Variants in COL7A1 observed in about 807,000 individuals in gnomAD.
The protein encoded by COL7A1 is collagen type VII alpha 1 chain, also known as collagen alpha-1(VII) chain.
A neutral mutation model predicts 456.2 loss-of-function variants in COL7A1; 296 were observed. That is an observed-to-expected ratio of 0.65 (90% confidence interval 0.59 to 0.71). The LOEUF (loss-of-function observed/expected upper bound fraction) is 0.71. Ranked by LOEUF, COL7A1 falls within the 30% of genes least tolerant of loss-of-function variation. The pLI, the probability that COL7A1 is intolerant of heterozygous loss-of-function variation, is 0.00. For synonymous variants in COL7A1, 1,464 were observed against 1,525.9 expected (o/e 0.96, Z 0.95); for missense variants, 3,441 against 4,017.2 (o/e 0.86, Z 3.88).
At position 48,585,162 on chromosome 3, in the gene COL7A1, GC is replaced by G; in HGVS notation, c.3895-47del. ...GGACAGGAAGGGACCCTCCCCCAAGGCCCCTGGTTTGCTGGAGGGGCCTCAC... is the reference window on the plus strand; with the variant it reads ...GGACAGGAAGGGACCCTCCCCCAAGGCCCTGGTTTGCTGGAGGGGCCTCAC... On this transcript the variant is annotated intron_variant, in intron 32 of 118. Coordinates refer to ENST00000681320, the MANE Select transcript of COL7A1 (RefSeq NM_000094.4). The surrounding 1 kb of genome is among the most constrained non-coding windows in gnomAD (Gnocchi z 4.5). 1.9e-6 allele frequency: 3 copies of G among 1,594,154 alleles called. No individual in the cohort carries two copies. Among genetic ancestry groups the G allele is most frequent in the Non-Finnish European group, 2.6e-6 (3 of 1,169,176 alleles).
rs2044905366 is a variant in COL7A1, at chr3:48,583,179, G to A, written c.4438-8C>T. On this transcript the variant is annotated splice_region_variant and splice_polypyrimidine_tract_variant and intron_variant, in intron 42 of 118. Transcript: ENST00000681320. This position sits in a 1 kb window ranked among gnomAD's most constrained non-coding sequence, Gnocchi z 5.1. ...TGGAAAGCCCCGGTCACCCTGAAGA[G>A]AGAGGGTGAGAGAAAGACAGAGAGA... 6.2e-7 allele frequency: 1 copy of A among 1,613,784 alleles called. No homozygotes were observed.
Position 48,587,575 on chromosome 3 carries a change from C to A in COL7A1, c.2858-21G>T. 6.2e-7 allele frequency: 1 copy of A among 1,613,350 alleles called. No individual in the cohort carries two copies. The highest frequency in any genetic ancestry group is 8.5e-7 in the Non-Finnish European group (1 of 1,180,006). ...TGACTCTGAAGGAGGAATGAAAGAT[C>A]GAGGATCAGAGGCTGAGTCCTGAGA... On this transcript the variant is annotated intron_variant, in intron 22 of 118. Transcript: ENST00000681320. This position sits in a 1 kb window ranked among gnomAD's most constrained non-coding sequence, Gnocchi z 6.1.
In COL7A1 at chr3:48,565,439, A is replaced by C. The variant is rs1360820174; in HGVS notation, c.8498T>G (p.Val2833Gly). 6.2e-7 allele frequency: 1 copy of C among 1,612,888 alleles called. No individual in the cohort carries two copies. The highest frequency in any genetic ancestry group is 1.7e-5 in the Admixed American group (1 of 59,812). ...CTCCTCTGCATGAGAGACGCGGAGCACAGGCACAGCATGGAGCTGGGAGCC... is the reference window on the plus strand; with the variant it reads ...CTCCTCTGCATGAGAGACGCGGAGCCCAGGCACAGCATGGAGCTGGGAGCC... ...TAGSQLHAVPVLRVSHAEEEE... is the reference protein window; with the variant it reads ...TAGSQLHAVPGLRVSHAEEEE... The change falls in exon 116 of 119, where the codon GTG becomes GGG. Residue 2833 changes from valine to glycine, a missense_variant. Physicochemically the swap from Val to Gly is moderately radical, Grantham distance 109. This residue lies in a region of COL7A1 where 2,084 missense variants were observed against 2,501.3 expected (regional missense o/e 0.83). Transcript: ENST00000681320. This position sits in a 1 kb window ranked among gnomAD's most constrained non-coding sequence, Gnocchi z 4.5.
At chr3:48,576,181 G>A (rs906379972) in intron 71 of COL7A1, 68 bp downstream of exon 71, 5 of 1,605,540 alleles carry the variant, frequency 3.1e-6, no homozygotes, top group African/African-American at 2.7e-5. Context: ...GCAAGGGGAA[G>A]GGGATGGCAA....
chr3:48,576,022 C>G, intron 71 of COL7A1, 120 bp from the exon 72 acceptor site: 1 of 1,528,532 alleles, frequency 6.5e-7, no homozygotes, highest in Middle Eastern at 1.7e-4. Context: ...CCAGAGCACC[C>G]TTTAGCACTT....
chr3:48,573,467 A>T lies in COL7A1; in HGVS notation c.6618+46T>A, dbSNP rs141063524. On this transcript the variant is annotated intron_variant, in intron 83 of 118. Transcript: ENST00000681320. The surrounding 1 kb of genome is among the most constrained non-coding windows in gnomAD (Gnocchi z 5.5). ...GGCGCACACTACCCCAGGCATGGAC[A>T]CAGCTTGAAGGAGCCTCCTCCTCCT... The T allele has an allele frequency of 0.018, 29,714 of 1,613,878 alleles. 330 individuals carry two copies. Among genetic ancestry groups the T allele is most frequent in the Non-Finnish European group, 0.022 (26,033 of 1,179,866 alleles).
Position 48,582,335 on chromosome 3 carries a change from G to A in COL7A1, c.4623C>T (p.Asp1541=). The change falls in exon 47 of 119, where the codon GAC becomes GAT. Residue 1541 remains aspartate, a synonymous_variant. Transcript: ENST00000681320. ...GEKGEPGRPG[D]PAVVGPAVAG... ...TCCCGTCACTCACCACCACTGCAGG[G>A]TCCCCAGGGCGACCAGGCTCCCCCT... 3 of 1,613,972 alleles carry A rather than the reference G, an allele frequency of 1.9e-6. No homozygotes were observed. The highest frequency in any genetic ancestry group is 1.1e-5 in the South Asian group (1 of 91,090).
chr3:48,589,202 G>C, intron 18 of COL7A1, 125 bp downstream of exon 18: 2 of 1,497,684 alleles, frequency 1.3e-6, no homozygotes, highest in Non-Finnish European at 1.8e-6. Context: ...AATCAGTGTG[G>C]GGTGGGTCAG....
chr3:48,571,904 AGG>A lies in COL7A1; in HGVS notation c.7068+95_7068+96del. The A allele has an allele frequency of 7.0e-7, 1 of 1,436,662 alleles. No homozygotes were observed. Among genetic ancestry groups the A allele is most frequent in the Non-Finnish European group, 9.6e-7 (1 of 1,039,626 alleles). 89.0% of individuals were successfully genotyped at this position (1,436,662 alleles called of 1,614,324 possible). On this transcript the variant is annotated intron_variant, in intron 92 of 118. Transcript: ENST00000681320. This position sits in a 1 kb window ranked among gnomAD's most constrained non-coding sequence, Gnocchi z 4.6. ...GATGTTGGGACATGCAGCCCGACTC[AGG>A]GGCTCAGACATGTGCCCCGGCCCAA...
Position 48,579,681 on chromosome 3 carries a change from T to C in COL7A1, c.5155-13A>G. ...CCCCAGGCTCTCCCTGTGGCAGAGA[T>C]AAGCTTGCTGAGGAACAGCCTTGAA... On this transcript the variant is annotated splice_polypyrimidine_tract_variant and intron_variant, in intron 58 of 118. Transcript: ENST00000681320. The surrounding 1 kb of genome is among the most constrained non-coding windows in gnomAD (Gnocchi z 4.4). 1 of 1,613,636 alleles carries C rather than the reference T, an allele frequency of 6.2e-7. No homozygotes were observed. Among genetic ancestry groups the C allele is most frequent in the East Asian group, 2.2e-5 (1 of 44,856 alleles).
Position 48,565,395 on chromosome 3 carries a change from T to G in COL7A1, c.8527+15A>C. The stretch of plus-strand genomic sequence containing the variant: ...GCCCCACCCATAGCTGCCCCACGGG[T>G]TCAGCTGTCCTCACCTTCCTCCTCT... On this transcript the variant is annotated intron_variant, in intron 116 of 118. Transcript: ENST00000681320. This position sits in a 1 kb window ranked among gnomAD's most constrained non-coding sequence, Gnocchi z 4.5. 1 of 1,599,170 alleles carries G rather than the reference T, an allele frequency of 6.3e-7. No homozygotes were observed. Among genetic ancestry groups the G allele is most frequent in the Non-Finnish European group, 8.5e-7 (1 of 1,172,760 alleles).
In COL7A1 at chr3:48,564,560, G is replaced by C; in HGVS notation, c.8819-138C>G. 3 of 1,119,916 alleles carry C rather than the reference G, an allele frequency of 2.7e-6. No homozygotes were observed. The highest frequency in any genetic ancestry group is 2.6e-5 in the East Asian group (1 of 39,036). The allele number at this position is 1,119,916 out of a possible 1,614,324, so 69.4% of individuals were successfully genotyped here. A position where few individuals can be genotyped will look rare whatever the true frequency, so the allele number is the denominator to read the frequency against. On this transcript the variant is annotated intron_variant, in intron 118 of 118. Coordinates refer to ENST00000681320, the MANE Select transcript of COL7A1 (RefSeq NM_000094.4). This position sits in a 1 kb window ranked among gnomAD's most constrained non-coding sequence, Gnocchi z 6.0. ...CTGACCTCAGAGGGGTCCATACTTA[G>C]GTCTTTAAAGGAGGGAACATGGAAG...
rs2107695824 is a variant in COL7A1, at chr3:48,579,081, A to T, written c.5388+116T>A. ...AGGGCTCTGGGAGAAGACACAGACA[A>T]CAGGTCTCGCCCCAGAGCTCGTCAA... On this transcript the variant is annotated intron_variant, in intron 62 of 118. Coordinates refer to ENST00000681320, the MANE Select transcript of COL7A1 (RefSeq NM_000094.4). The surrounding 1 kb of genome is among the most constrained non-coding windows in gnomAD (Gnocchi z 4.4). 1 of 1,551,092 alleles carries T rather than the reference A, an allele frequency of 6.4e-7. No individual in the cohort carries two copies. The highest frequency in any genetic ancestry group is 8.9e-7 in the Non-Finnish European group (1 of 1,125,014).
In COL7A1 at chr3:48,579,079, C is replaced by CAACAA; in HGVS notation, c.5388+117_5388+118insTTGTT. On this transcript the variant is annotated intron_variant, in intron 62 of 118. Coordinates refer to ENST00000681320, the MANE Select transcript of COL7A1 (RefSeq NM_000094.4). The surrounding 1 kb of genome is among the most constrained non-coding windows in gnomAD (Gnocchi z 4.4). ...GCAGGGCTCTGGGAGAAGACACAGA[C>CAACAA]AACAGGTCTCGCCCCAGAGCTCGTC... 6.4e-7 allele frequency: 1 copy of CAACAA among 1,552,570 alleles called. No individual in the cohort carries two copies. Among genetic ancestry groups the CAACAA allele is most frequent in the Non-Finnish European group, 8.9e-7 (1 of 1,126,436 alleles).
In COL7A1 at chr3:48,565,290, GC is replaced by G; in HGVS notation, c.8528-90del. 1 of 1,480,898 alleles carries G rather than the reference GC, an allele frequency of 6.8e-7. No individual in the cohort carries two copies. Among genetic ancestry groups the G allele is most frequent in the Non-Finnish European group, 9.3e-7 (1 of 1,074,812 alleles). The allele number at this position is 1,480,898 out of a possible 1,614,324, so 91.7% of individuals were successfully genotyped here. A position where few individuals can be genotyped will look rare whatever the true frequency, so the allele number is the denominator to read the frequency against. On this transcript the variant is annotated intron_variant, in intron 116 of 118. Transcript: ENST00000681320. This position sits in a 1 kb window ranked among gnomAD's most constrained non-coding sequence, Gnocchi z 4.5. Reference sequence around the variant, plus strand: ...CTGATTTCCACTGTGTGCACACAGTGCCCATGCGTGTGCCCTGCATGCAGAC... The same window carrying G: ...CTGATTTCCACTGTGTGCACACAGTGCCATGCGTGTGCCCTGCATGCAGAC...
chr3:48,574,342 T>C lies in COL7A1; in HGVS notation c.6457-36A>G, dbSNP rs370840161. On this transcript the variant is annotated intron_variant, in intron 79 of 118. Coordinates refer to ENST00000681320, the MANE Select transcript of COL7A1 (RefSeq NM_000094.4). This position sits in a 1 kb window ranked among gnomAD's most constrained non-coding sequence, Gnocchi z 5.0. The stretch of plus-strand genomic sequence containing the variant: ...TAGGTTTAAGGCCTTAGTTTCCCAG[T>C]TCCAACTTCCCCTCCACCCACCATC... 7 of 1,614,058 alleles carry C rather than the reference T, an allele frequency of 4.3e-6. No individual in the cohort carries two copies. The highest frequency in any genetic ancestry group is 5.1e-6 in the Non-Finnish European group (6 of 1,179,966).
In COL7A1 at chr3:48,580,504, G is replaced by A; in HGVS notation, c.5052+77C>T. ...GGGAGGGTTTAGCATTACAGGGTTG[G>A]GGGGTAGGATCAGGTATTGGGAATT... is the stretch of plus-strand genomic sequence containing the variant. On this transcript the variant is annotated intron_variant, in intron 55 of 118. Coordinates refer to ENST00000681320, the MANE Select transcript of COL7A1 (RefSeq NM_000094.4). This position sits in a 1 kb window ranked among gnomAD's most constrained non-coding sequence, Gnocchi z 4.5. 6.5e-7 allele frequency: 1 copy of A among 1,534,796 alleles called. No individual in the cohort carries two copies. Among genetic ancestry groups the A allele is most frequent in the Admixed American group, 1.7e-5 (1 of 57,350 alleles).
At position 48,585,235 on chromosome 3, in the gene COL7A1, G is replaced by T. The variant is rs2045158028; in HGVS notation, c.3895-119C>A. 3 of 1,010,912 alleles carry T rather than the reference G, an allele frequency of 3.0e-6. No homozygotes were observed. The highest frequency in any genetic ancestry group is 4.5e-6 in the Non-Finnish European group (3 of 672,242). 62.6% of individuals were successfully genotyped at this position (1,010,912 alleles called of 1,614,324 possible). A position where few individuals can be genotyped will look rare whatever the true frequency, so the allele number is the denominator to read the frequency against. On this transcript the variant is annotated intron_variant, in intron 32 of 118. Coordinates refer to ENST00000681320, the MANE Select transcript of COL7A1 (RefSeq NM_000094.4). This position sits in a 1 kb window ranked among gnomAD's most constrained non-coding sequence, Gnocchi z 4.5. Reference sequence around the variant, plus strand: ...ACCCCACTGACCCCCAAGTGTTATTGGGGGTGGAACAGTGAGGCAGAGAAA... The same window carrying T: ...ACCCCACTGACCCCCAAGTGTTATTTGGGGTGGAACAGTGAGGCAGAGAAA...
Position 48,581,747 on chromosome 3 carries a change from G to A in COL7A1, c.4681C>T (p.Pro1561Ser). ...CCGGTAGCTCCTCTGGGCCCAGCGG[G>A]CCCCACATCTCCCTGGAGGTGACAA... ...GPKGEKGDVG[P>S]AGPRGATGVQ... Residue 1561 changes from proline (P) to serine (S), a missense_variant, in exon 49 of 119, where the codon CCC becomes TCC. Pro to Ser is a moderately conservative substitution (Grantham distance 74, BLOSUM62 -1). Coordinates refer to ENST00000681320, the MANE Select transcript of COL7A1 (RefSeq NM_000094.4). This position sits in a 1 kb window ranked among gnomAD's most constrained non-coding sequence, Gnocchi z 5.8. 6.2e-7 allele frequency: 1 copy of A among 1,613,976 alleles called. No individual in the cohort carries two copies. Among genetic ancestry groups the A allele is most frequent in the Non-Finnish European group, 8.5e-7 (1 of 1,179,994 alleles).
Sources: gnomAD v4.1 joint callset for allele counts on GRCh38, gnomAD v4.1.1 for gene constraint, gnomAD v4.1.1 regional missense constraint, Gnocchi (gnomAD v3.1) non-coding constraint, MANE v1.5 for transcripts, NCBI Gene and HGNC (gene_info 2026-07-23, HGNC 2026-07-21) for gene names.